CHN2: variants seen among roughly 807,000 people sequenced by gnomAD.
The protein encoded by CHN2 is beta-chimaerin.
In CHN2, 35 loss-of-function variants were observed where a neutral mutation model predicts 56.3. The observed-to-expected ratio is 0.62, with a 90% CI of 0.47 to 0.82. The LOEUF is 0.82. Among genes scored for constraint, CHN2 ranks in the 40% least tolerant of loss-of-function variants. CHN2 has a pLI of 0.00. For synonymous variants in CHN2, 210 were observed against 212.8 expected, an observed-to-expected ratio of 0.99 and a Z score of 0.12; for missense variants, 491 against 580.5, an observed-to-expected ratio of 0.85 and a Z score of 1.58.
chr7:29,148,149 T>C (rs547390946), intron 2 of CHN2, among the ~76,000 whole-genome samples: 6 of 152,332 alleles, frequency 3.9e-5, no homozygotes, highest in African/African-American at 1.4e-4. Flanking sequence ...GTGCAGACCC[T>C]TGAAGCAGGC....
At chr7:29,444,930 T>C (rs1349202381) in intron 6 of CHN2, among the ~76,000 whole-genome samples, 1 of 152,172 alleles carries the variant, frequency 6.6e-6, no homozygotes, top group Admixed American at 6.5e-5. Flanking sequence ...GAAGACACTT[T>C]AGGAGGATTA....
At chr7:29,395,411 T>G (rs1177910940) in intron 4 of CHN2, among the ~76,000 whole-genome samples, 1 of 152,088 alleles carries the variant, frequency 6.6e-6, no homozygotes, top group Non-Finnish European at 1.5e-5. Context: ...TGGTCCCAGC[T>G]ACTCAGGACC....
chr7:29,310,778 T>A lies in CHN2; in HGVS notation c.50-43847T>A, dbSNP rs184635333. Among the ~76,000 whole-genome samples, 6 of 152,090 alleles carry A rather than the reference T, an allele frequency of 3.9e-5. No individual in the cohort carries two copies. The East Asian group carries it at 1.2e-3, about 29-fold the overall frequency. On this transcript the variant is annotated intron_variant, in intron 1 of 12. Coordinates refer to ENST00000222792, the MANE Select transcript of CHN2 (RefSeq NM_004067.4). ...GGAGGAGGAAGGTGGTTCTCCAGAGTCTCTTCTAGATGGCACTAATCCCAT... is the reference window on the plus strand; with the variant it reads ...GGAGGAGGAAGGTGGTTCTCCAGAGACTCTTCTAGATGGCACTAATCCCAT...
chr7:29,251,411 G>T (rs1183157452), intron 1 of CHN2, among the ~76,000 whole-genome samples: 1 of 152,116 alleles, frequency 6.6e-6, no homozygotes, highest in African/African-American at 2.4e-5. Context: ...CCGTGATCAT[G>T]CCGCTGCATT....
At chr7:29,253,973 C>T (rs541044184) in intron 1 of CHN2, among the ~76,000 whole-genome samples, 5 of 152,244 alleles carry the variant, frequency 3.3e-5, no homozygotes, top group African/African-American at 9.6e-5. Context: ...GGCATGATCT[C>T]GGCTCACTGC....
chr7:29,304,931 T>C (rs926136989), intron 1 of CHN2, among the ~76,000 whole-genome samples: 3 of 152,202 alleles, frequency 2.0e-5, no homozygotes, highest in Non-Finnish European at 4.4e-5. Flanking sequence ...CCTTAGGGGA[T>C]GACTGAGTAT....
chr7:29,494,950 T>TAAAAAAAAAAAAAAAAAAAAAA (rs5883217), intron 7 of CHN2, among the ~76,000 whole-genome samples: 9 of 64,650 alleles, frequency 1.4e-4, no homozygotes, highest in Non-Finnish European at 2.3e-4. Flanking sequence ...AAGCAGTTTG[T>TAAAAAAAAAAAAAAAAAAAAAA]AAAAAAAAAA....
At chr7:29,271,476 C>G (rs922535795) in intron 1 of CHN2, among the ~76,000 whole-genome samples, 10 of 152,206 alleles carry the variant, frequency 6.6e-5, no homozygotes, top group African/African-American at 2.4e-4. Context: ...GGCTGGGTGT[C>G]TGTTTGGCTG....
At chr7:29,432,890 G>A (rs1345429637) in intron 6 of CHN2, among the ~76,000 whole-genome samples, 3 of 152,284 alleles carry the variant, frequency 2.0e-5, no homozygotes, top group East Asian at 3.9e-4. Context: ...AGAAGAAAAA[G>A]GTTTGTGTGG....
intron 1 of CHN2, among the ~76,000 whole-genome samples, chr7:29,352,441 C>T (rs1797956657): frequency 6.6e-6 from 1 of 151,768 alleles, no homozygotes; most frequent in Non-Finnish European, 1.5e-5. Flanking sequence ...ACATAGAGGG[C>T]CGGGGCACGG....
At chr7:29,350,416 A>G (rs1489529431) in intron 1 of CHN2, among the ~76,000 whole-genome samples, 1 of 152,192 alleles carries the variant, frequency 6.6e-6, no homozygotes, top group Non-Finnish European at 1.5e-5. Flanking sequence ...TAGTTTCAAC[A>G]TATTAAAAAT....
rs149001397 is a variant in CHN2, at chr7:29,257,913, G to T, written c.49+62923G>T. Among the ~76,000 whole-genome samples the T allele has an allele frequency of 3.2e-4, 48 of 152,158 alleles. No homozygotes were observed. In the East Asian group the frequency reaches 8.5e-3, roughly 27 times the overall value. ...AGTGATCCTCCCACCTTAGCCTCCA[G>T]AGTAGCTGGGACTACAGGCACGTGC... On this transcript the variant is annotated intron_variant, in intron 1 of 12. Transcript: ENST00000222792.
rs367759789 is a variant in CHN2, at chr7:29,427,457, T to C, written c.576+26629T>C. On this transcript the variant is annotated intron_variant, in intron 6 of 12. Coordinates refer to ENST00000222792, the MANE Select transcript of CHN2 (RefSeq NM_004067.4). ...ATGTCACATGGCATAATCAGGGGAG[T>C]AACTTTAGGTGTCAAAGGTCATAGG... 4.0e-5 allele frequency among the ~76,000 whole-genome samples: 6 copies of C among 151,896 alleles called. No individual in the cohort carries two copies. The South Asian group carries it at 8.3e-4, about 21-fold the overall frequency.
chr7:29,408,952 T>A (rs1052682290), intron 6 of CHN2, among the ~76,000 whole-genome samples: 9 of 152,246 alleles, frequency 5.9e-5, no homozygotes, highest in Admixed American at 1.3e-4. Context: ...TAGTGCCATC[T>A]TGTGGCTGAA....
chr7:29,512,705 T>G lies in CHN2; in HGVS notation c.1377T>G (p.Ile459Met). Residue 459 changes from isoleucine to methionine, a missense_variant, in exon 13 of 13, where the codon ATT becomes ATG. By Grantham distance (10) the Ile-to-Met change is conservative. Transcript: ENST00000222792. ...DMRYQKLIVQ[I>M]LIENEDVLF Reference sequence around the variant, plus strand: ...GGTACCAAAAGCTGATTGTGCAGATTTTAATAGAAAACGAAGACGTTTTAT... The same window carrying G: ...GGTACCAAAAGCTGATTGTGCAGATGTTAATAGAAAACGAAGACGTTTTAT... 1 of 1,614,172 alleles carries G rather than the reference T, an allele frequency of 6.2e-7. No homozygotes were observed. The highest frequency in any genetic ancestry group is 8.5e-7 in the Non-Finnish European group (1 of 1,180,024).
chr7:29,218,030 A>G (rs1317005356), intron 1 of CHN2, among the ~76,000 whole-genome samples: 2 of 152,092 alleles, frequency 1.3e-5, no homozygotes, highest in Non-Finnish European at 2.9e-5. Flanking sequence ...TATTAATAAA[A>G]CTAGTTTTAG....
At chr7:29,509,469 A>T (rs1472122544) in intron 12 of CHN2, 63 bp downstream of exon 12, 8 of 1,279,820 alleles carry the variant, frequency 6.3e-6, no homozygotes, top group Non-Finnish European at 9.1e-6. Context: ...CATGAGGAAA[A>T]GTGGACGGCA....
intron 1 of CHN2, among the ~76,000 whole-genome samples, chr7:29,296,280 T>C (rs1429438779): frequency 6.6e-6 from 1 of 152,132 alleles, no homozygotes; most frequent in Non-Finnish European, 1.5e-5. Context: ...AGATGGGGTT[T>C]CGCCATGTTG....
At chr7:29,494,589 G>A (rs1320538610) in intron 7 of CHN2, among the ~76,000 whole-genome samples, 1 of 152,034 alleles carries the variant, frequency 6.6e-6, no homozygotes, top group East Asian at 1.9e-4. Context: ...TCATTCCCTA[G>A]AAAAATGTTG....
Sources: gnomAD v4.1 joint callset for allele counts (sites outside exome capture counted in the v4.1 genomes callset) on GRCh38, gnomAD v4.1.1 for gene constraint, MANE v1.5 for transcripts, NCBI Gene and HGNC (gene_info 2026-07-23, HGNC 2026-07-21) for gene names.